CA10: variants seen among roughly 807,000 people sequenced by gnomAD.
The protein encoded by CA10 is carbonic anhydrase-related protein 10.
A neutral mutation model predicts 44.2 loss-of-function variants in CA10; 14 were observed. The ratio of observed to expected loss-of-function variants is 0.32; its 90% confidence interval spans 0.21 to 0.50. The LOEUF is 0.50. Among genes scored for constraint, CA10 ranks in the 20% least tolerant of loss-of-function variants. CA10 has a pLI of 0.99. For missense variants in CA10, 350 were observed against 409.7 expected (o/e 0.85, Z 1.26); for synonymous variants, 159 against 141.6 (o/e 1.12, Z -0.87).
At chr17:51,711,941 G>A (rs943784096) in intron 4 of CA10, among the ~76,000 whole-genome samples, 13 of 152,134 alleles carry the variant, frequency 8.5e-5, no homozygotes, top group African/African-American at 3.1e-4. Flanking sequence ...ACAGCTGCTG[G>A]GGGAGAGGGG....
At chr17:52,118,418 T>C (rs1988944429) in intron 1 of CA10, among the ~76,000 whole-genome samples, 1 of 152,176 alleles carries the variant, frequency 6.6e-6, no homozygotes, top group Admixed American at 6.5e-5. Flanking sequence ...ATAAATAACT[T>C]ATGGTAATCT....
chr17:52,064,948 C>A (rs1322756786), intron 2 of CA10, among the ~76,000 whole-genome samples: 4 of 152,214 alleles, frequency 2.6e-5, no homozygotes, highest in Non-Finnish European at 5.9e-5. Flanking sequence ...GAGTAAAGTG[C>A]TTAAAACTAT....
intron 3 of CA10, among the ~76,000 whole-genome samples, chr17:51,787,731 C>G (rs1906348045): frequency 6.6e-6 from 1 of 152,148 alleles, no homozygotes; most frequent in Non-Finnish European, 1.5e-5. Context: ...CTCCTGACCT[C>G]AAGTGATCCA....
intron 4 of CA10, among the ~76,000 whole-genome samples, chr17:51,666,664 C>T (rs1421877912): frequency 6.6e-6 from 1 of 151,834 alleles, no homozygotes; most frequent in Non-Finnish European, 1.5e-5. Context: ...TTAATAACCT[C>T]TCTCATGTGC....
At chr17:52,105,073 A>C (rs1988628828) in intron 1 of CA10, among the ~76,000 whole-genome samples, 2 of 152,090 alleles carry the variant, frequency 1.3e-5, no homozygotes. Context: ...CAACATGGGT[A>C]ATTTTAAAAA....
At chr17:51,835,812 T>G (rs1908455414) in intron 3 of CA10, among the ~76,000 whole-genome samples, 1 of 152,184 alleles carries the variant, frequency 6.6e-6, no homozygotes, top group Admixed American at 6.5e-5. Context: ...TAATAGGCAG[T>G]GCTAGTGCTC....
chr17:51,848,734 G>T (rs1026048462), intron 3 of CA10, among the ~76,000 whole-genome samples: 6 of 152,160 alleles, frequency 3.9e-5, no homozygotes, highest in African/African-American at 1.4e-4. Flanking sequence ...GCAGTCGTGA[G>T]AAATCCTTTT....
At chr17:51,991,233 T>A (rs568176522) in intron 2 of CA10, among the ~76,000 whole-genome samples, 62 of 152,240 alleles carry the variant, frequency 4.1e-4, no homozygotes, top group Admixed American at 1.7e-3. Flanking sequence ...TCAATATATT[T>A]CCTACTGAAC....
chr17:51,780,940 A>G (rs1315646866), intron 3 of CA10, among the ~76,000 whole-genome samples: 4 of 152,236 alleles, frequency 2.6e-5, no homozygotes, highest in Admixed American at 6.5e-5. Context: ...GTAAATGGGC[A>G]TGGCAGTGGG....
chr17:51,675,016 T>C (rs2014184), intron 4 of CA10, among the ~76,000 whole-genome samples: 54,826 of 152,042 alleles, frequency 0.36, 11,455 homozygotes, highest in South Asian at 0.64. Context: ...CCATTTCATC[T>C]TCAGCACACA....
At chr17:51,646,100 A>G (rs987584010) in intron 6 of CA10, among the ~76,000 whole-genome samples, 3 of 152,244 alleles carry the variant, frequency 2.0e-5, no homozygotes, top group African/African-American at 7.2e-5. Flanking sequence ...GGAGGGAGCA[A>G]TAAGAAATCA....
At chr17:51,949,175 A>G (rs1983393561) in intron 2 of CA10, among the ~76,000 whole-genome samples, 1 of 152,186 alleles carries the variant, frequency 6.6e-6, no homozygotes, top group Non-Finnish European at 1.5e-5. Flanking sequence ...TGGGATTGCA[A>G]TAACTATCAA....
intron 2 of CA10, among the ~76,000 whole-genome samples, chr17:51,982,804 G>T (rs1984695924): frequency 6.6e-6 from 1 of 151,770 alleles, no homozygotes; most frequent in Non-Finnish European, 1.5e-5. Flanking sequence ...CTCATTGAGG[G>T]CAGGTATTTT....
chr17:51,807,144 G>A (rs1169307577), intron 3 of CA10, among the ~76,000 whole-genome samples: 1 of 152,170 alleles, frequency 6.6e-6, no homozygotes, highest in Non-Finnish European at 1.5e-5. Flanking sequence ...TGCCACGTCT[G>A]GGACACTTGG....
intron 1 of CA10, among the ~76,000 whole-genome samples, chr17:52,140,341 G>C (rs1989450567): frequency 6.6e-6 from 1 of 152,172 alleles, no homozygotes; most frequent in Non-Finnish European, 1.5e-5. Flanking sequence ...TTTGAGCTTT[G>C]CCGGCCTTAG....
At chr17:51,783,042 A>G (rs887972974) in intron 3 of CA10, among the ~76,000 whole-genome samples, 1 of 152,226 alleles carries the variant, frequency 6.6e-6, no homozygotes, top group Non-Finnish European at 1.5e-5. Flanking sequence ...ATGAATGCTG[A>G]GTGACATAAT....
At chr17:51,793,658 A>G (rs1413538537) in intron 3 of CA10, among the ~76,000 whole-genome samples, 1 of 152,216 alleles carries the variant, frequency 6.6e-6, no homozygotes, top group African/African-American at 2.4e-5. Context: ...TGCACAATGG[A>G]CAGTAGAATC....
intron 4 of CA10, among the ~76,000 whole-genome samples, chr17:51,706,068 C>T (rs571640057): frequency 3.3e-5 from 5 of 152,250 alleles, no homozygotes; most frequent in East Asian, 1.9e-4. Flanking sequence ...GTTCCAGCAC[C>T]GAGTAGCTGC....
At chr17:51,764,215 A>C (rs969068796) in intron 3 of CA10, among the ~76,000 whole-genome samples, 2 of 152,144 alleles carry the variant, frequency 1.3e-5, no homozygotes, top group African/African-American at 4.8e-5. Context: ...GTGGCACAAC[A>C]GGCCCTTCAC....
Sources: gnomAD v4.1 joint callset for allele counts (sites outside exome capture counted in the v4.1 genomes callset) on GRCh38, gnomAD v4.1.1 for gene constraint, MANE v1.5 for transcripts, NCBI Gene and HGNC (gene_info 2026-07-23, HGNC 2026-07-21) for gene names.